Variants in RPS6KA5 observed in about 807,000 individuals in gnomAD.
RPS6KA5 encodes ribosomal protein S6 kinase A5.
RPS6KA5 carries 27 observed loss-of-function variants against 85.5 expected under a neutral mutation model. The observed-to-expected ratio is 0.32, with a 90% CI of 0.23 to 0.44. RPS6KA5 has a LOEUF of 0.44. Among genes scored for constraint, RPS6KA5 ranks in the 20% least tolerant of loss-of-function variants. The pLI is 1.00. For missense variants in RPS6KA5, 811 were observed against 980.9 expected (o/e 0.83, Z 2.31); for synonymous variants, 334 against 348.2 (o/e 0.96, Z 0.46).
intron 1 of RPS6KA5, among the ~76,000 whole-genome samples, chr14:91,034,829 G>A (rs1447132309): frequency 1.3e-5 from 2 of 152,122 alleles, no homozygotes; most frequent in Non-Finnish European, 2.9e-5. Context: ...CCCACCAGCA[G>A]GAATAAATTT....
At chr14:90,917,522 C>T (rs2036184307) in intron 7 of RPS6KA5, among the ~76,000 whole-genome samples, 1 of 152,094 alleles carries the variant, frequency 6.6e-6, no homozygotes, top group African/African-American at 2.4e-5. Flanking sequence ...TACTCATCAC[C>T]TTCCAAAGTT....
In RPS6KA5 at chr14:91,032,282, A is replaced by G. The variant is rs539770832; in HGVS notation, c.103+28050T>C. 3.3e-5 allele frequency among the ~76,000 whole-genome samples: 5 copies of G among 152,350 alleles called. No individual in the cohort carries two copies. The South Asian group carries it at 1.0e-3, about 32-fold the overall frequency. On this transcript the variant is annotated intron_variant, in intron 1 of 16. Transcript: ENST00000614987. Reference sequence around the variant, plus strand: ...TCAATGAGGGCAAAAGCTAAAACACATTTAAGCCTGCCAGAGCAGAAAGAG... The same window carrying G: ...TCAATGAGGGCAAAAGCTAAAACACGTTTAAGCCTGCCAGAGCAGAAAGAG...
chr14:90,958,560 A>T lies in RPS6KA5; in HGVS notation c.395-11010T>A, dbSNP rs116301957. On this transcript the variant is annotated intron_variant, in intron 3 of 16. Coordinates refer to ENST00000614987, the MANE Select transcript of RPS6KA5 (RefSeq NM_004755.4). The stretch of plus-strand genomic sequence containing the variant: ...AAAATCTTAGCTATACCTTTTATCA[A>T]TTGTGTGACTTTGAGCAAGATGTTT... 4.9e-3 allele frequency among the ~76,000 whole-genome samples: 740 copies of T among 152,288 alleles called. 4 individuals carry two copies. The highest frequency in any genetic ancestry group is 0.027 in the Middle Eastern group (8 of 294).
chr14:90,948,411 A>G (rs999872161), intron 3 of RPS6KA5, among the ~76,000 whole-genome samples: 1 of 152,228 alleles, frequency 6.6e-6, no homozygotes, highest in African/African-American at 2.4e-5. Flanking sequence ...CATCAGAAAC[A>G]CTGAGCCGGG....
chr14:90,892,825 G>A (rs559415750), intron 13 of RPS6KA5, among the ~76,000 whole-genome samples: 1 of 152,170 alleles, frequency 6.6e-6, no homozygotes, highest in Non-Finnish European at 1.5e-5. Flanking sequence ...TTATGAAAAT[G>A]TTAGTTCAAA....
chr14:91,027,659 G>C (rs755908439), intron 1 of RPS6KA5, among the ~76,000 whole-genome samples: 1 of 152,164 alleles, frequency 6.6e-6, no homozygotes, highest in Non-Finnish European at 1.5e-5. Flanking sequence ...CATTCTGCAT[G>C]TCCAGTGTGG....
At chr14:91,023,868 A>G (rs1359518307) in intron 1 of RPS6KA5, among the ~76,000 whole-genome samples, 1 of 152,260 alleles carries the variant, frequency 6.6e-6, no homozygotes, top group Non-Finnish European at 1.5e-5. Flanking sequence ...AATAGGATAT[A>G]TCTCAGAGCT....
At chr14:91,009,073 T>A (rs973052135) in intron 1 of RPS6KA5, among the ~76,000 whole-genome samples, 4 of 152,184 alleles carry the variant, frequency 2.6e-5, no homozygotes, top group Non-Finnish European at 5.9e-5. Context: ...CAAAGATAAA[T>A]TAACTCAATT....
intron 8 of RPS6KA5, among the ~76,000 whole-genome samples, chr14:90,904,778 TC>T: frequency 6.6e-6 from 1 of 152,302 alleles, no homozygotes; most frequent in Non-Finnish European, 1.5e-5. Context: ...AGTGTCCCTA[TC>T]ATTTAAAAAG....
intron 5 of RPS6KA5, among the ~76,000 whole-genome samples, chr14:90,935,226 C>G (rs937639134): frequency 6.6e-6 from 1 of 152,126 alleles, no homozygotes; most frequent in Non-Finnish European, 1.5e-5. Context: ...TACATTATAA[C>G]AGCAGAAACT....
At chr14:90,983,558 C>T (rs2039900698) in intron 2 of RPS6KA5, among the ~76,000 whole-genome samples, 1 of 150,184 alleles carries the variant, frequency 6.7e-6, no homozygotes, top group African/African-American at 2.5e-5. Context: ...TGAGATCGTG[C>T]CACTTGCACT....
chr14:91,033,529 G>C (rs1054964146), intron 1 of RPS6KA5, among the ~76,000 whole-genome samples: 5 of 152,128 alleles, frequency 3.3e-5, no homozygotes, highest in Non-Finnish European at 7.4e-5. Context: ...TTGAAACCGG[G>C]AGGCAGAGTT....
At position 90,857,618 on chromosome 14, in the gene RPS6KA5, AGT is replaced by A. The variant is rs2032346596; in HGVS notation, c.*14454_*14455del. Reference sequence around the variant, plus strand: ...CAAAAGGTAGGCCAAATATTGATGTAGTGTGGGTGAACTGTGAACTGCATTAA... The same window carrying A: ...CAAAAGGTAGGCCAAATATTGATGTAGTGGGTGAACTGTGAACTGCATTAA... On this transcript the variant is annotated 3_prime_UTR_variant, in exon 17 of 17. Transcript: ENST00000614987. 6.6e-6 allele frequency: 1 copy of A among 152,236 alleles called. No individual in the cohort carries two copies. Among genetic ancestry groups the A allele is most frequent in the Admixed American group, 6.5e-5 (1 of 15,278 alleles). 9.4% of individuals were successfully genotyped at this position (152,236 alleles called of 1,614,324 possible).
At chr14:91,006,245 T>G (rs998061304) in intron 1 of RPS6KA5, among the ~76,000 whole-genome samples, 1 of 152,204 alleles carries the variant, frequency 6.6e-6, no homozygotes, top group Non-Finnish European at 1.5e-5. Context: ...CTCAAATTTC[T>G]TCCATGGCCT....
intron 5 of RPS6KA5, among the ~76,000 whole-genome samples, chr14:90,939,152 CT>C (rs2037439442): frequency 6.6e-6 from 1 of 152,222 alleles, no homozygotes; most frequent in African/African-American, 2.4e-5. Context: ...TTCCACAAAT[CT>C]CTAGGGCAGG....
chr14:90,912,904 CTTTTTTTTTTTTT>C (rs57029403), intron 7 of RPS6KA5, among the ~76,000 whole-genome samples: 2 of 53,288 alleles, frequency 3.8e-5, no homozygotes, highest in South Asian at 1.1e-3. Flanking sequence ...CATAAAGCAT[CTTTTTTTTTTTTT>C]TTTTTTTTTT....
At chr14:90,918,515 T>G (rs2036239020) in intron 7 of RPS6KA5, among the ~76,000 whole-genome samples, 1 of 152,218 alleles carries the variant, frequency 6.6e-6, no homozygotes, top group South Asian at 2.1e-4. Flanking sequence ...GCAGAAATAC[T>G]TAATTTTGAT....
At chr14:90,956,407 AT>A (rs2038511985) in intron 3 of RPS6KA5, among the ~76,000 whole-genome samples, 1 of 151,924 alleles carries the variant, frequency 6.6e-6, no homozygotes, top group South Asian at 2.1e-4. Flanking sequence ...CCTTTAATCT[AT>A]TTGTACCTTT....
At chr14:91,052,926 AACACT>A (rs1314115346) in intron 1 of RPS6KA5, among the ~76,000 whole-genome samples, 1 of 152,138 alleles carries the variant, frequency 6.6e-6, no homozygotes, top group East Asian at 1.9e-4. Flanking sequence ...ACCAAAAAAG[AACACT>A]ACAAAGATTT....
Sources: allele counts gnomAD v4.1 joint callset (sites outside exome capture counted in the v4.1 genomes callset), GRCh38; gene constraint gnomAD v4.1.1; transcripts MANE v1.5; gene names NCBI Gene and HGNC (gene_info 2026-07-23, HGNC 2026-07-21).